Variants in NALF1 observed in about 807,000 individuals in gnomAD.
NALF1 encodes the protein NALCN channel auxiliary factor 1, also known as family with sequence similarity 155 member A.
NALF1 carries 3 observed loss-of-function variants against 48.4 expected under a neutral mutation model. The ratio of observed to expected loss-of-function variants is 0.06; its 90% CI spans 0.03 to 0.16. The LOEUF (loss-of-function observed/expected upper bound fraction) is 0.16, where lower values mean the gene tolerates loss of function less well. Ranked by LOEUF, NALF1 falls within the 10% of genes least tolerant of loss-of-function variation. The pLI is 1.00. For synonymous variants in NALF1, 262 were observed against 245.7 expected (o/e 1.07, Z -0.62); for missense variants, 526 against 571.5 (o/e 0.92, Z 0.81).
intron 1 of NALF1, among the ~76,000 whole-genome samples, chr13:107,660,499 A>AAAC (rs1566434143): frequency 2.0e-4 from 20 of 99,042 alleles, no homozygotes; most frequent in Middle Eastern, 7.9e-3. Context: ...AAGAAACAAA[A>AAAC]AAACAAACAA....
chr13:107,449,282 A>G lies in NALF1; in HGVS notation c.916-238527T>C, dbSNP rs146915888. Among the ~76,000 whole-genome samples the G allele has an allele frequency of 3.8e-3, 575 of 152,202 alleles. 4 individuals carry two copies. The highest frequency in any genetic ancestry group is 0.013 in the African/African-American group (521 of 41,538). ...AAAAAAAAGAACATCACACGGGTGCAGTGTGCAAGACCCAGGGGATGTCTT... is the reference window on the plus strand; with the variant it reads ...AAAAAAAAGAACATCACACGGGTGCGGTGTGCAAGACCCAGGGGATGTCTT... On this transcript the variant is annotated intron_variant, in intron 1 of 2. Coordinates refer to ENST00000375915, the MANE Select transcript of NALF1 (RefSeq NM_001080396.3).
intron 1 of NALF1, among the ~76,000 whole-genome samples, chr13:107,852,339 C>T (rs1030623438): frequency 6.6e-6 from 1 of 152,122 alleles, no homozygotes; most frequent in Non-Finnish European, 1.5e-5. Flanking sequence ...GCCTAAATTA[C>T]CATTGCCATA....
intron 2 of NALF1, among the ~76,000 whole-genome samples, chr13:107,175,385 G>A (rs1463442614): frequency 2.6e-5 from 4 of 151,862 alleles, no homozygotes; most frequent in Non-Finnish European, 5.9e-5. Flanking sequence ...GATGTAAATC[G>A]AACTGACTCT....
intron 1 of NALF1, among the ~76,000 whole-genome samples, chr13:107,620,752 C>G (rs1033451925): frequency 6.6e-6 from 1 of 152,186 alleles, no homozygotes; most frequent in Admixed American, 6.5e-5. Flanking sequence ...CTCCGCCACA[C>G]TTGTCTTTGG....
chr13:107,611,821 G>C (rs190460083), intron 1 of NALF1, among the ~76,000 whole-genome samples: 2 of 151,602 alleles, frequency 1.3e-5, no homozygotes, highest in Admixed American at 6.6e-5. Flanking sequence ...TACTTGGGAG[G>C]CTGGGTTTGG....
At chr13:107,234,158 G>A (rs961634035) in intron 1 of NALF1, among the ~76,000 whole-genome samples, 18 of 152,148 alleles carry the variant, frequency 1.2e-4, no homozygotes, top group African/African-American at 4.1e-4. Context: ...GTTTCTGTAT[G>A]CTCTGTTTTT....
At position 107,785,569 on chromosome 13, in the gene NALF1, A is replaced by T. The variant is rs527423965; in HGVS notation, c.915+80113T>A. Among the ~76,000 whole-genome samples the T allele has an allele frequency of 2.3e-4, 35 of 152,294 alleles. No homozygotes were observed. In the East Asian group the frequency reaches 6.0e-3, roughly 26 times the overall value. ...CGGGGAAGGGTGAGAGAGGGGTAAC[A>T]GATAAAAGATTACAAATAGCATTGA... is the stretch of plus-strand genomic sequence containing the variant. On this transcript the variant is annotated intron_variant, in intron 1 of 2. Transcript: ENST00000375915.
intron 1 of NALF1, among the ~76,000 whole-genome samples, chr13:107,479,309 T>C (rs1223480711): frequency 6.6e-6 from 1 of 152,196 alleles, no homozygotes; most frequent in Non-Finnish European, 1.5e-5. Context: ...CCTGGCATCA[T>C]AACTATTACC....
chr13:107,455,065 T>C (rs77219770), intron 1 of NALF1, among the ~76,000 whole-genome samples: 2,353 of 152,286 alleles, frequency 0.015, 61 homozygotes, highest in African/African-American at 0.053. Context: ...GTTTTCATGA[T>C]AGTCAGTGAG....
intron 1 of NALF1, among the ~76,000 whole-genome samples, chr13:107,341,718 T>C (rs777604695): frequency 4.6e-5 from 7 of 151,340 alleles, no homozygotes; most frequent in Non-Finnish European, 8.8e-5. Flanking sequence ...ATAGTATATA[T>C]GGATAGAGTA....
At chr13:107,745,599 AG>A (rs1272985277) in intron 1 of NALF1, among the ~76,000 whole-genome samples, 2 of 152,154 alleles carry the variant, frequency 1.3e-5, no homozygotes, top group Non-Finnish European at 1.5e-5. Context: ...ACTCAAATCA[AG>A]GAGTAGTTCT....
At chr13:107,252,185 C>T (rs964734537) in intron 1 of NALF1, among the ~76,000 whole-genome samples, 9 of 152,256 alleles carry the variant, frequency 5.9e-5, no homozygotes, top group Admixed American at 1.3e-4. Context: ...AGCCCAGTCA[C>T]GTGGTGTGAT....
chr13:107,388,867 G>C (rs754203676), intron 1 of NALF1, among the ~76,000 whole-genome samples: 1 of 152,020 alleles, frequency 6.6e-6, no homozygotes, highest in South Asian at 2.1e-4. Context: ...AAGAATTGTT[G>C]TAGAGCAAAA....
Position 107,372,980 on chromosome 13 carries a change from T to C in NALF1, c.916-162225A>G, listed in dbSNP as rs187716137. ...GCTAGCATCTGTTAATGAGGTCATT[T>C]AATCTCTCTGAACCTTTCTTTCTCT... On this transcript the variant is annotated intron_variant, in intron 1 of 2. Coordinates refer to ENST00000375915, the MANE Select transcript of NALF1 (RefSeq NM_001080396.3). Among the ~76,000 whole-genome samples the C allele has an allele frequency of 7.2e-3, 1,090 of 152,306 alleles. 3 individuals are homozygous for C. The highest frequency in any genetic ancestry group is 0.014 in the Middle Eastern group (4 of 292).
chr13:107,549,591 ATTTAC>A (rs1319217673), intron 1 of NALF1, among the ~76,000 whole-genome samples: 2 of 152,122 alleles, frequency 1.3e-5, no homozygotes, highest in African/African-American at 2.4e-5. Flanking sequence ...ATGTTAGTTC[ATTTAC>A]TTTATTATTC....
intron 1 of NALF1, among the ~76,000 whole-genome samples, chr13:107,543,962 T>G (rs1258528965): frequency 6.6e-6 from 1 of 152,090 alleles, no homozygotes; most frequent in Non-Finnish European, 1.5e-5. Flanking sequence ...ATTTTTATCA[T>G]CAATTCTATA....
chr13:107,841,796 CCTT>C (rs1447824762), intron 1 of NALF1, among the ~76,000 whole-genome samples: 2 of 151,622 alleles, frequency 1.3e-5, no homozygotes, highest in African/African-American at 4.9e-5. Flanking sequence ...AAAATGTACG[CCTT>C]TTTTTATAAT....
intron 1 of NALF1, among the ~76,000 whole-genome samples, chr13:107,426,886 T>G (rs910314357): frequency 6.6e-6 from 1 of 152,084 alleles, no homozygotes; most frequent in Non-Finnish European, 1.5e-5. Context: ...AATTTCAGGC[T>G]CTTGATATAA....
At chr13:107,608,126 T>C (rs1363810974) in intron 1 of NALF1, among the ~76,000 whole-genome samples, 1 of 152,218 alleles carries the variant, frequency 6.6e-6, no homozygotes, top group Non-Finnish European at 1.5e-5. Flanking sequence ...TGTCTTATTT[T>C]GATGAACAGA....
Sources: allele counts gnomAD v4.1 joint callset (sites outside exome capture counted in the v4.1 genomes callset), GRCh38; gene constraint gnomAD v4.1.1; transcripts MANE v1.5; gene names NCBI Gene and HGNC (gene_info 2026-07-23, HGNC 2026-07-21).